The following SKIC3 variants were observed in gnomAD, a reference collection of about 807,000 sequenced individuals.
SKIC3 encodes SKI3 subunit of superkiller complex, also known as superkiller complex protein 3.
the SKIC3 span, chr5:95,548,661 C>T: frequency 5.3e-5 from 8 of 151,618 alleles, no homozygotes; most frequent in African/African-American, 1.9e-4. Context: ...AATTTCAATG[C>T]TGATTTCACA....
chr5:95,484,671 T>C, the SKIC3 span: 2 of 1,612,802 alleles, frequency 1.2e-6, no homozygotes, highest in Non-Finnish European at 1.7e-6. Context: ...TTTGAAGTTA[T>C]TTTCCCAGTA....
At chr5:95,478,913 A>C in the SKIC3 span, among the ~76,000 whole-genome samples, 1 of 152,194 alleles carries the variant, frequency 6.6e-6, no homozygotes, top group South Asian at 2.1e-4. Flanking sequence ...CACCATACTT[A>C]GTAATGAAAT....
At chr5:95,529,088 G>C in the SKIC3 span, 1 of 1,613,516 alleles carries the variant, frequency 6.2e-7, no homozygotes, top group Non-Finnish European at 8.5e-7. Flanking sequence ...GTGCAGACAG[G>C]GCTTTCCTTT....
chr5:95,515,091 ACAC>A, the SKIC3 span: 1 of 635,260 alleles, frequency 1.6e-6, no homozygotes, highest in Non-Finnish European at 2.7e-6. Context: ...TGTTTTAACT[ACAC>A]AGTTCTGGAA....
chr5:95,512,468 G>A, the SKIC3 span: 1 of 1,612,968 alleles, frequency 6.2e-7, no homozygotes, highest in South Asian at 1.1e-5. Context: ...TATATAACAG[G>A]TACCTTACCT....
chr5:95,507,676 G>A, the SKIC3 span, among the ~76,000 whole-genome samples: 192 of 152,262 alleles, frequency 1.3e-3, 1 homozygote, highest in African/African-American at 4.2e-3. Context: ...TTATCTCCCT[G>A]ATGTTGCATG....
At chr5:95,538,327 T>C in the SKIC3 span, among the ~76,000 whole-genome samples, 21 of 152,282 alleles carry the variant, frequency 1.4e-4, no homozygotes, top group Non-Finnish European at 2.8e-4. Context: ...TTTTCCACAA[T>C]TGAATCTATG....
the SKIC3 span, among the ~76,000 whole-genome samples, chr5:95,487,438 C>T: frequency 4.6e-5 from 7 of 152,300 alleles, no homozygotes; most frequent in Admixed American, 2.0e-4. Flanking sequence ...CAGGACATTG[C>T]TCTGGCATCC....
At chr5:95,509,099 T>G in the SKIC3 span, among the ~76,000 whole-genome samples, 1 of 152,196 alleles carries the variant, frequency 6.6e-6, no homozygotes, top group African/African-American at 2.4e-5. Context: ...AACACATCTT[T>G]TCATCTTCTA....
chr5:95,546,612 TG>T, the SKIC3 span, among the ~76,000 whole-genome samples: 13 of 152,280 alleles, frequency 8.5e-5, 1 homozygote, highest in African/African-American at 2.9e-4. Context: ...CACCTACTGA[TG>T]ACTTCACTCC....
the SKIC3 span, among the ~76,000 whole-genome samples, chr5:95,534,986 G>T: frequency 6.6e-6 from 1 of 152,158 alleles, no homozygotes; most frequent in African/African-American, 2.4e-5. Flanking sequence ...CAGGAGAGGT[G>T]AAAGTTAAAA....
the SKIC3 span, among the ~76,000 whole-genome samples, chr5:95,547,993 G>A: frequency 6.6e-6 from 1 of 151,946 alleles, no homozygotes; most frequent in Non-Finnish European, 1.5e-5. Context: ...ACTAATTTCA[G>A]CCATAAAAAG....
At chr5:95,470,754 T>C in the SKIC3 span, among the ~76,000 whole-genome samples, 4 of 150,532 alleles carry the variant, frequency 2.7e-5, no homozygotes, top group Non-Finnish European at 5.9e-5. Context: ...TTAATGTATC[T>C]ATATATTACT....
At chr5:95,530,359 T>G in the SKIC3 span, 1 of 940,406 alleles carries the variant, frequency 1.1e-6, no homozygotes, top group Non-Finnish European at 1.6e-6. Flanking sequence ...CTCCAGAAAT[T>G]CAAAATTTAA....
the SKIC3 span, chr5:95,541,508 C>T: frequency 2.2e-6 from 2 of 917,404 alleles, no homozygotes; most frequent in Admixed American, 4.4e-5. Context: ...TAAATTAGAA[C>T]ATATCTTCTT....
At chr5:95,470,136 C>G in the SKIC3 span, among the ~76,000 whole-genome samples, 9 of 152,000 alleles carry the variant, frequency 5.9e-5, no homozygotes, top group Non-Finnish European at 2.9e-5. Flanking sequence ...CGCCACCACA[C>G]CCGGCTAATT....
chr5:95,545,215 T>C, the SKIC3 span, among the ~76,000 whole-genome samples: 2 of 152,144 alleles, frequency 1.3e-5, no homozygotes, highest in African/African-American at 4.8e-5. Context: ...GAAACAGTCC[T>C]TCTTCCCTTC....
chr5:95,466,451 G>A, the SKIC3 span, among the ~76,000 whole-genome samples: 4 of 152,058 alleles, frequency 2.6e-5, no homozygotes, highest in African/African-American at 7.2e-5. Context: ...ATCCAACATT[G>A]CATAGGACAG....
chr5:95,518,785 C>T, the SKIC3 span, among the ~76,000 whole-genome samples: 1 of 151,990 alleles, frequency 6.6e-6, no homozygotes, highest in Non-Finnish European at 1.5e-5. Flanking sequence ...GTACAGATGT[C>T]TCTTTGATAT....
Sources: gnomAD v4.1 joint callset for allele counts (sites outside exome capture counted in the v4.1 genomes callset) on GRCh38, gnomAD v4.1.1 for gene constraint, MANE v1.5 for transcripts, NCBI Gene and HGNC (gene_info 2026-07-23, HGNC 2026-07-21) for gene names.